Variants in GALNT16 observed in about 807,000 individuals in gnomAD.
GALNT16 encodes polypeptide N-acetylgalactosaminyltransferase 16, also known as UDP-GalNAc:polypeptide N-acetylgalactosaminyltransferase-like protein 1.
A neutral mutation model predicts 76.1 loss-of-function variants in GALNT16; 40 were observed. The observed-to-expected ratio is 0.53, with a 90% confidence interval of 0.41 to 0.68. The LOEUF is 0.68. Among genes scored for constraint, GALNT16 ranks in the 30% least tolerant of loss-of-function variants. The pLI, the probability that GALNT16 is intolerant of heterozygous loss-of-function variation, is 0.00. For missense variants in GALNT16, 621 were observed against 731.9 expected (o/e 0.85, Z 1.75); for synonymous variants, 276 against 285.2 (o/e 0.97, Z 0.32).
intron 1 of GALNT16, among the ~76,000 whole-genome samples, chr14:69,301,661 A>G (rs928624453): frequency 1.3e-5 from 2 of 152,132 alleles, no homozygotes; most frequent in African/African-American, 4.8e-5. Context: ...CTTTATAAAC[A>G]GGCAGAGTTA....
chr14:69,267,531 G>T (rs1229577388), intron 1 of GALNT16, among the ~76,000 whole-genome samples: 1 of 152,224 alleles, frequency 6.6e-6, no homozygotes, highest in African/African-American at 2.4e-5. Flanking sequence ...GTAGAGCAGG[G>T]ATGACTTTGT....
At chr14:69,328,365 A>G in intron 5 of GALNT16, 85 bp from the exon 6 acceptor site, 1 of 1,397,462 alleles carries the variant, frequency 7.2e-7, no homozygotes, top group Non-Finnish European at 9.8e-7. Context: ...CCCCTGAAGG[A>G]GAGGAGAGCC....
intron 1 of GALNT16, among the ~76,000 whole-genome samples, chr14:69,269,530 GTGTGTGTGA>G (rs1305979456): frequency 1.1e-4 from 17 of 149,816 alleles, no homozygotes; most frequent in East Asian, 3.9e-4. Flanking sequence ...TGGGGCTTAT[GTGTGTGTGA>G]TGTGTGTGAT....
chr14:69,297,356 C>T (rs114915404), intron 1 of GALNT16, among the ~76,000 whole-genome samples: 1,539 of 152,204 alleles, frequency 0.01, 27 homozygotes, highest in African/African-American at 0.035. Flanking sequence ...TTTTAGCTCT[C>T]GCCTCATTTT....
At chr14:69,360,340 C>G (rs1030255623), downstream of GALNT16, among the ~76,000 whole-genome samples, 1 of 148,220 alleles carries the variant, frequency 6.7e-6, no homozygotes, top group African/African-American at 2.5e-5. Flanking sequence ...GGCAACAGAG[C>G]GAGACCCTAT....
At chr14:69,263,043 C>A (rs556665111) in intron 1 of GALNT16, among the ~76,000 whole-genome samples, 2 of 152,180 alleles carry the variant, frequency 1.3e-5, no homozygotes, top group East Asian at 1.9e-4. Context: ...CCACTCTCAG[C>A]TAATTTTTGT....
At position 69,281,305 on chromosome 14, in the gene GALNT16, G is replaced by C. The variant is rs551093279; in HGVS notation, c.177+20838G>C. Among the ~76,000 whole-genome samples the C allele has an allele frequency of 2.0e-5, 3 of 152,260 alleles. No homozygotes were observed. The East Asian group carries it at 5.8e-4, about 29-fold the overall frequency. ...TCCATTTTGCAGATGAAAAAACTGA[G>C]ACTCAGAGAGGGTGTGACAGCTAAT... On this transcript the variant is annotated intron_variant, in intron 1 of 14. Transcript: ENST00000448469.
In GALNT16 at chr14:69,260,199, C is replaced by A. The variant is rs1436637138; in HGVS notation, c.-92C>A. On this transcript the variant is annotated 5_prime_UTR_variant, in exon 1 of 15. Transcript: ENST00000448469. ...GCAGGACTGAGCAGCTAGGCGCGAG[C>A]GAAAACAAACAGCTGGGGCTGCGAG... The A allele has an allele frequency of 1.3e-6, 1 of 779,184 alleles. No individual in the cohort carries two copies. Among genetic ancestry groups the A allele is most frequent in the Non-Finnish European group, 2.0e-6 (1 of 497,852 alleles). 48.3% of individuals were successfully genotyped at this position (779,184 alleles called of 1,614,324 possible).
chr14:69,286,788 CA>C (rs2044618957), intron 1 of GALNT16, among the ~76,000 whole-genome samples: 1 of 152,128 alleles, frequency 6.6e-6, no homozygotes, highest in South Asian at 2.1e-4. Flanking sequence ...GCAAATATAG[CA>C]AAATGTTAAC....
chr14:69,291,434 C>G (rs1386749575), intron 1 of GALNT16, among the ~76,000 whole-genome samples: 2 of 152,214 alleles, frequency 1.3e-5, no homozygotes, highest in Non-Finnish European at 2.9e-5. Flanking sequence ...GGCTGGGTGG[C>G]TTCCAGTAGA....
chr14:69,273,725 C>T (rs908237102), intron 1 of GALNT16, among the ~76,000 whole-genome samples: 1 of 152,180 alleles, frequency 6.6e-6, no homozygotes, highest in African/African-American at 2.4e-5. Flanking sequence ...AGTAAGCATT[C>T]CTGTCAGGAA....
the GALNT16 span, among the ~76,000 whole-genome samples, chr14:69,378,762 C>T: frequency 6.6e-6 from 1 of 152,154 alleles, no homozygotes; most frequent in Non-Finnish European, 1.5e-5. Context: ...ATCAAGGGAA[C>T]TCATTCCCTT....
At chr14:69,301,969 C>G (rs190294480) in intron 1 of GALNT16, among the ~76,000 whole-genome samples, 1 of 152,190 alleles carries the variant, frequency 6.6e-6, no homozygotes, top group East Asian at 1.9e-4. Context: ...ACAGTGAGAC[C>G]TCATCTAAAA....
rs757452153 is a variant in GALNT16 at position 69,341,727 on chromosome 14, T to C, written c.1234T>C (p.Phe412Leu). 1 of 1,613,256 alleles carries C rather than the reference T, an allele frequency of 6.2e-7. No individual in the cohort carries two copies. The highest frequency in any genetic ancestry group is 1.1e-5 in the South Asian group (1 of 90,880). The change falls in exon 12 of 15, where the codon TTC becomes CTC. Residue 412 changes from phenylalanine to leucine, a missense_variant. Phe to Leu is a conservative substitution (Grantham distance 22). Coordinates refer to ENST00000448469, the MANE Select transcript of GALNT16 (RefSeq NM_001168368.2). ...EQRKKMNCKSFRWYLENVYPE... is the reference protein window; with the variant it reads ...EQRKKMNCKSLRWYLENVYPE... ...GAGGAAGAAGATGAACTGCAAGTCC[T>C]TCCGCTGGTACCTGGAGAACGTCTA...
chr14:69,330,566 C>T (rs1358888267), intron 6 of GALNT16, among the ~76,000 whole-genome samples: 1 of 152,194 alleles, frequency 6.6e-6, no homozygotes, highest in African/African-American at 2.4e-5. Flanking sequence ...CCACAGAGCA[C>T]TGAAAAACCA....
At chr14:69,320,676 C>T (rs1465291986) in intron 1 of GALNT16, 35 bp from the exon 2 acceptor site, 1 of 1,597,400 alleles carries the variant, frequency 6.3e-7, no homozygotes, top group Non-Finnish European at 8.5e-7. Flanking sequence ...GGTCCTCCTG[C>T]CTGTGGTCCT....
intron 12 of GALNT16, among the ~76,000 whole-genome samples, chr14:69,343,516 C>T (rs2045521874): frequency 6.6e-6 from 1 of 152,226 alleles, no homozygotes; most frequent in Non-Finnish European, 1.5e-5. Flanking sequence ...CCCCAGCTCC[C>T]TGGACACTAG....
chr14:69,322,983 C>A (rs2331961), intron 2 of GALNT16, among the ~76,000 whole-genome samples: 4 of 45,556 alleles, frequency 8.8e-5, no homozygotes, highest in Admixed American at 2.6e-4. Context: ...TGTGTGTGTG[C>A]GCGCGCACGC....
chr14:69,318,062 A>G (rs148011445), intron 1 of GALNT16, among the ~76,000 whole-genome samples: 120 of 152,342 alleles, frequency 7.9e-4, no homozygotes, highest in African/African-American at 2.8e-3. Context: ...CTCAGGGCCA[A>G]CTGACATTTC....
Sources: allele counts gnomAD v4.1 joint callset (sites outside exome capture counted in the v4.1 genomes callset), GRCh38; gene constraint gnomAD v4.1.1; transcripts MANE v1.5; gene names NCBI Gene and HGNC (gene_info 2026-07-23, HGNC 2026-07-21).